Variants in SLC45A2 observed in about 807,000 individuals in gnomAD.
The protein encoded by SLC45A2 is solute carrier family 45 member 2, also known as membrane-associated transporter protein.
A neutral mutation model predicts 45.5 loss-of-function variants in SLC45A2; 36 were observed. The observed-to-expected ratio is 0.79, with a 90% CI of 0.61 to 1.04. The LOEUF is 1.04. Among genes scored for constraint, SLC45A2 ranks in the 50% least tolerant of loss-of-function variants. SLC45A2 has a pLI of 0.00. For synonymous variants in SLC45A2, 306 were observed against 269.3 expected, an observed-to-expected ratio of 1.14 and a Z score of -1.33; for missense variants, 719 against 671.0, an observed-to-expected ratio of 1.07 and a Z score of -0.79.
intron 5 of SLC45A2, among the ~76,000 whole-genome samples, chr5:33,950,442 TAATG>T (rs1371586712): frequency 1.3e-5 from 2 of 152,212 alleles, no homozygotes; most frequent in Admixed American, 6.5e-5. Flanking sequence ...AATTTTAAAA[TAATG>T]AATGTTGTTG....
chr5:33,980,801 G>A (rs1405398819), intron 2 of SLC45A2, among the ~76,000 whole-genome samples: 2 of 152,224 alleles, frequency 1.3e-5, no homozygotes, highest in Non-Finnish European at 2.9e-5. Context: ...AACCCAATAA[G>A]GATGAGGAGA....
Position 33,964,034 on chromosome 5 carries a change from C to G in SLC45A2, c.563-18G>C. The G allele has an allele frequency of 6.2e-7, 1 of 1,612,104 alleles. No homozygotes were observed. Among genetic ancestry groups the G allele is most frequent in the South Asian group, 1.1e-5 (1 of 90,846 alleles). On this transcript the variant is annotated intron_variant, in intron 2 of 6. Transcript: ENST00000296589. Reference sequence around the variant, plus strand: ...TCCAAAACCTGGAAAGCAAGAAAAGCTATGTTAGCATATTTAGCAAATTAT... The same window carrying G: ...TCCAAAACCTGGAAAGCAAGAAAAGGTATGTTAGCATATTTAGCAAATTAT...
chr5:33,967,220 T>C (rs973800630), intron 2 of SLC45A2, among the ~76,000 whole-genome samples: 1 of 152,222 alleles, frequency 6.6e-6, no homozygotes, highest in Non-Finnish European at 1.5e-5. Flanking sequence ...TAATGGATTA[T>C]TCTGAGGGCT....
At chr5:33,972,083 G>GACAAGC (rs1445476739) in intron 2 of SLC45A2, 1 of 506,132 alleles carries the variant, frequency 2.0e-6, no homozygotes, top group African/African-American at 1.9e-5. Flanking sequence ...TTCTATTGTA[G>GACAAGC]ACAAGCACAT....
intron 2 of SLC45A2, among the ~76,000 whole-genome samples, chr5:33,974,132 C>G (rs1460772305): frequency 2.6e-5 from 4 of 152,174 alleles, no homozygotes; most frequent in Non-Finnish European, 4.4e-5. Flanking sequence ...TGGTGAGTAC[C>G]ACTCTGTTAG....
At chr5:33,954,806 G>A (rs1392386909) in intron 3 of SLC45A2, among the ~76,000 whole-genome samples, 1 of 152,154 alleles carries the variant, frequency 6.6e-6, no homozygotes, top group Non-Finnish European at 1.5e-5. Flanking sequence ...ATGTCTGAAT[G>A]ACAGAACTGT....
At chr5:33,956,976 C>CAT (rs1752295146) in intron 3 of SLC45A2, among the ~76,000 whole-genome samples, 1 of 152,040 alleles carries the variant, frequency 6.6e-6, no homozygotes, top group Non-Finnish European at 1.5e-5. Flanking sequence ...ATCCCACACA[C>CAT]ATATATGTAA....
intron 5 of SLC45A2, among the ~76,000 whole-genome samples, chr5:33,949,526 G>C (rs1017033630): frequency 1.3e-5 from 2 of 152,170 alleles, no homozygotes; most frequent in Non-Finnish European, 1.5e-5. Context: ...TGATATGGGA[G>C]TGAAAAAGGG....
chr5:33,945,890 A>G (rs1366696026), intron 6 of SLC45A2: 2 of 878,344 alleles, frequency 2.3e-6, no homozygotes, highest in Non-Finnish European at 2.7e-6. Flanking sequence ...GTTTTTATTT[A>G]AAAATGCCGG....
intron 2 of SLC45A2, among the ~76,000 whole-genome samples, chr5:33,969,019 TG>T (rs1378858853): frequency 1.5e-5 from 2 of 136,852 alleles, no homozygotes; most frequent in South Asian, 5.4e-4. Flanking sequence ...TACTAAATCC[TG>T]GACAGTTAAC....
intron 2 of SLC45A2, among the ~76,000 whole-genome samples, chr5:33,969,299 T>TAA (rs201971086): frequency 6.7e-6 from 1 of 148,704 alleles, no homozygotes; most frequent in Non-Finnish European, 1.5e-5. Context: ...TAAATTAAAA[T>TAA]AAAAAAAAAA....
intron 3 of SLC45A2, among the ~76,000 whole-genome samples, chr5:33,955,932 A>AT (rs915124348): frequency 5.5e-4 from 84 of 151,746 alleles, no homozygotes; most frequent in South Asian, 1.5e-3. Flanking sequence ...TGAAACACTG[A>AT]TTTTTTTTTA....
intron 2 of SLC45A2, among the ~76,000 whole-genome samples, chr5:33,969,043 T>C (rs1752691511): frequency 2.6e-5 from 1 of 38,100 alleles, no homozygotes; most frequent in Non-Finnish European, 6.0e-5. Context: ...AAGTACCAGC[T>C]ACTCTCTCTC....
rs1752515452 is a variant in SLC45A2, at chr5:33,963,719, C to G, written c.860G>C (p.Gly287Ala). ...GYVNPELAMQ[G>A]AKNKNHAEQT... is the part of the protein sequence containing the mutation. ...TTCAGCATGATTTTTGTTTTTTGCT[C>G]CCTGCATTGCCAGCTCTGGATTTAC... The change falls in exon 3 of 7, where the codon GGA (glycine) becomes GCA (alanine). Residue 287 changes from glycine to alanine, a missense_variant. Physicochemically the swap from Gly to Ala is moderately conservative, Grantham distance 60 (BLOSUM62 0). Coordinates refer to ENST00000296589, the MANE Select transcript of SLC45A2 (RefSeq NM_016180.5). The G allele has an allele frequency of 6.2e-7, 1 of 1,613,974 alleles. No homozygotes were observed. The highest frequency in any genetic ancestry group is 2.2e-5 in the East Asian group (1 of 44,878).
intron 2 of SLC45A2, among the ~76,000 whole-genome samples, chr5:33,965,853 A>T (rs1752588834): frequency 1.3e-5 from 2 of 152,244 alleles, no homozygotes; most frequent in South Asian, 4.1e-4. Flanking sequence ...ATGTCTCTAG[A>T]TATTGCCAAA....
intron 5 of SLC45A2, among the ~76,000 whole-genome samples, chr5:33,950,411 C>A (rs1443563031): frequency 6.6e-6 from 1 of 152,166 alleles, no homozygotes; most frequent in Non-Finnish European, 1.5e-5. Context: ...GATCTTTAAG[C>A]ACTACTCTTT....
At position 33,963,885 on chromosome 5, in the gene SLC45A2, C is replaced by G. The variant is rs1023562657; in HGVS notation, c.694G>C (p.Val232Leu). 1 of 1,614,078 alleles carries G rather than the reference C, an allele frequency of 6.2e-7. No homozygotes were observed. The highest frequency in any genetic ancestry group is 8.5e-7 in the Non-Finnish European group (1 of 1,180,016). ...SALVLTLCFT[V>L]HLCSISEAPL... ...GCTTCAGAGATACTGCACAGATGAA[C>G]AGTAAAACACAAAGTGAGCACCAAT... The change falls in exon 3 of 7, where the codon GTT becomes CTT. Residue 232 changes from valine (V) to leucine (L), a missense_variant. Physicochemically the swap from Val to Leu is conservative, Grantham distance 32. Coordinates refer to ENST00000296589, the MANE Select transcript of SLC45A2 (RefSeq NM_016180.5).
chr5:33,948,867 A>G (rs1358026650), intron 5 of SLC45A2, among the ~76,000 whole-genome samples: 1 of 152,240 alleles, frequency 6.6e-6, no homozygotes, highest in Non-Finnish European at 1.5e-5. Context: ...AAACATAAGT[A>G]ACTTCAGTAC....
chr5:33,944,743 T>C lies in SLC45A2; in HGVS notation c.1498A>G (p.Thr500Ala), dbSNP rs11568737. ...ACCACGACGACAACGGTCCCGGCTG[T>C]GTTGACCAGAAAGCCCAGGCCACCT... ...VGGGLGFLVN[T>A]AGTVVVVVIT... The change falls in exon 7 of 7, where the codon ACA (threonine) becomes GCA (alanine). Residue 500 changes from threonine (T) to alanine (A), a missense_variant. Transcript: ENST00000296589. 1 of 1,614,166 alleles carries C rather than the reference T, an allele frequency of 6.2e-7. No individual in the cohort carries two copies. The highest frequency in any genetic ancestry group is 1.3e-5 in the African/African-American group (1 of 75,026).
Sources: allele counts gnomAD v4.1 joint callset (sites outside exome capture counted in the v4.1 genomes callset), GRCh38; gene constraint gnomAD v4.1.1; transcripts MANE v1.5; gene names NCBI Gene and HGNC (gene_info 2026-07-23, HGNC 2026-07-21).